Variants in FHIT observed in about 807,000 individuals in gnomAD.
FHIT encodes the protein fragile histidine triad diadenosine triphosphatase, also known as bis(5'-adenosyl)-triphosphatase.
A neutral mutation model predicts 17.9 loss-of-function variants in FHIT; 19 were observed. That is an observed-to-expected ratio of 1.06 (90% CI 0.74 to 1.56). The LOEUF (loss-of-function observed/expected upper bound fraction) is 1.56. FHIT is among the 40% of genes most tolerant of loss of function. FHIT has a pLI of 0.00. For missense variants in FHIT, 248 were observed against 189.2 expected (o/e 1.31, Z -1.82); for synonymous variants, 81 against 69.7 (o/e 1.16, Z -0.81).
In FHIT at chr3:60,978,524, A is replaced by G. The variant is rs1377127814; in HGVS notation, c.-111+63523T>C. On this transcript the variant is annotated intron_variant, in intron 3 of 9. Transcript: ENST00000492590. ...GCAGTAAAGAGAAATAAAGCATGAC[A>G]TAGTCTGAAAAGCACTGGTTCTAGA... Among the ~76,000 whole-genome samples the G allele has an allele frequency of 2.0e-5, 3 of 152,208 alleles. No homozygotes were observed. In the East Asian group the frequency reaches 5.8e-4, roughly 29 times the overall value.
intron 7 of FHIT, among the ~76,000 whole-genome samples, chr3:60,006,603 C>A (rs990516996): frequency 6.6e-6 from 1 of 151,596 alleles, no homozygotes; most frequent in South Asian, 2.1e-4. Flanking sequence ...AACATCAATA[C>A]GTCAGTTTTT....
intron 3 of FHIT, among the ~76,000 whole-genome samples, chr3:61,037,981 G>T (rs989145285): frequency 2.6e-5 from 4 of 152,240 alleles, no homozygotes; most frequent in African/African-American, 9.6e-5. Flanking sequence ...GTCCTAGTCA[G>T]TCAGGGAAAG....
At chr3:60,642,645 C>T (rs1312554727) in intron 4 of FHIT, among the ~76,000 whole-genome samples, 5 of 152,100 alleles carry the variant, frequency 3.3e-5, no homozygotes, top group African/African-American at 4.8e-5. Flanking sequence ...CATCACTCTG[C>T]GAAAGAGAAG....
chr3:61,053,915 A>G (rs1235894584), intron 2 of FHIT, among the ~76,000 whole-genome samples: 1 of 152,208 alleles, frequency 6.6e-6, no homozygotes, highest in African/African-American at 2.4e-5. Flanking sequence ...AGCAGAGGTG[A>G]CTGTGGGCAG....
At chr3:61,085,424 T>A (rs1204997919) in intron 2 of FHIT, among the ~76,000 whole-genome samples, 2 of 152,162 alleles carry the variant, frequency 1.3e-5, no homozygotes, top group East Asian at 3.8e-4. Flanking sequence ...CTGGTGATGA[T>A]AAGCATTTTT....
intron 5 of FHIT, among the ~76,000 whole-genome samples, chr3:60,261,552 G>C (rs538838665): frequency 1.3e-5 from 2 of 151,938 alleles, no homozygotes; most frequent in Admixed American, 6.6e-5. Context: ...TAAACTTCAA[G>C]ACATACTAAA....
intron 3 of FHIT, among the ~76,000 whole-genome samples, chr3:60,963,240 G>C (rs529004272): frequency 1.3e-5 from 2 of 151,874 alleles, no homozygotes; most frequent in Non-Finnish European, 2.9e-5. Context: ...GTATTCTCTG[G>C]TGGTAGTTTA....
intron 4 of FHIT, among the ~76,000 whole-genome samples, chr3:60,566,418 C>A (rs2037136453): frequency 6.6e-6 from 1 of 152,084 alleles, no homozygotes; most frequent in African/African-American, 2.4e-5. Flanking sequence ...ACGCTTCATG[C>A]TAAAAACTCT....
At chr3:61,142,845 T>C (rs1466550362) in intron 2 of FHIT, among the ~76,000 whole-genome samples, 1 of 152,128 alleles carries the variant, frequency 6.6e-6, no homozygotes, top group Non-Finnish European at 1.5e-5. Context: ...GCTAGAAGTC[T>C]GACACATAGA....
intron 5 of FHIT, among the ~76,000 whole-genome samples, chr3:60,430,890 T>A (rs980913278): frequency 1.2e-4 from 19 of 152,022 alleles, no homozygotes; most frequent in African/African-American, 4.6e-4. Context: ...TCTCAACTAC[T>A]CTAAAGCAAG....
chr3:59,946,598 G>C (rs1176899456), intron 7 of FHIT, among the ~76,000 whole-genome samples: 1 of 152,160 alleles, frequency 6.6e-6, no homozygotes, highest in Non-Finnish European at 1.5e-5. Context: ...TTTTATTACA[G>C]TTCTCAAGGG....
chr3:60,638,853 CAAAT>C (rs1174261210), intron 4 of FHIT, among the ~76,000 whole-genome samples: 1 of 151,364 alleles, frequency 6.6e-6, no homozygotes, highest in Non-Finnish European at 1.5e-5. Context: ...TCTCAACAAA[CAAAT>C]GTCATTTTAA....
chr3:60,993,982 G>A (rs1371172804), intron 3 of FHIT, among the ~76,000 whole-genome samples: 1 of 152,158 alleles, frequency 6.6e-6, no homozygotes, highest in Admixed American at 6.5e-5. Flanking sequence ...TGTGCTGTGA[G>A]TATAAAATAC....
At chr3:61,016,899 C>G (rs2032141672) in intron 3 of FHIT, among the ~76,000 whole-genome samples, 1 of 152,188 alleles carries the variant, frequency 6.6e-6, no homozygotes, top group Non-Finnish European at 1.5e-5. Flanking sequence ...TGTATATGTC[C>G]AGGTTTCTCC....
intron 5 of FHIT, among the ~76,000 whole-genome samples, chr3:60,128,575 A>T (rs1699365594): frequency 6.6e-6 from 1 of 152,222 alleles, no homozygotes; most frequent in Non-Finnish European, 1.5e-5. Context: ...TGGGGCAAGT[A>T]CCCAAGATAT....
At chr3:60,121,641 G>A (rs1467672998) in intron 5 of FHIT, among the ~76,000 whole-genome samples, 1 of 151,762 alleles carries the variant, frequency 6.6e-6, no homozygotes, top group Non-Finnish European at 1.5e-5. Context: ...CTGAGATCAT[G>A]CCATTGCACT....
intron 3 of FHIT, among the ~76,000 whole-genome samples, chr3:60,827,444 A>G (rs1355917560): frequency 6.6e-6 from 1 of 152,234 alleles, no homozygotes; most frequent in Non-Finnish European, 1.5e-5. Context: ...TTGGTTTCTA[A>G]CAATAAAACG....
chr3:60,642,917 C>T (rs1336118800), intron 4 of FHIT, among the ~76,000 whole-genome samples: 1 of 152,200 alleles, frequency 6.6e-6, no homozygotes, highest in Non-Finnish European at 1.5e-5. Context: ...CCCATGTTCA[C>T]TAATGAGGTC....
intron 5 of FHIT, among the ~76,000 whole-genome samples, chr3:60,016,325 A>G (rs1354053118): frequency 6.6e-6 from 1 of 152,228 alleles, no homozygotes; most frequent in Non-Finnish European, 1.5e-5. Context: ...GCGAAGGTCA[A>G]TAGTTATAAT....
Sources: gnomAD v4.1 joint callset for allele counts (sites outside exome capture counted in the v4.1 genomes callset) on GRCh38, gnomAD v4.1.1 for gene constraint, MANE v1.5 for transcripts, NCBI Gene and HGNC (gene_info 2026-07-23, HGNC 2026-07-21) for gene names.